ELMO2: variants seen among roughly 807,000 people sequenced by gnomAD.
ELMO2 encodes the protein engulfment and cell motility protein 2.
Under a neutral mutation model 96.2 loss-of-function variants are expected in ELMO2, and 37 were observed. The observed-to-expected ratio is 0.38, with a 90% CI of 0.30 to 0.51. The LOEUF is 0.51. Ranked by LOEUF, ELMO2 falls within the 20% of genes least tolerant of loss-of-function variation. The pLI, the probability that ELMO2 is intolerant of heterozygous loss-of-function variation, is 0.88. For missense variants in ELMO2, 561 were observed against 912.6 expected, an observed-to-expected ratio of 0.61 and a Z score of 4.96; for synonymous variants, 315 against 329.4, an observed-to-expected ratio of 0.96 and a Z score of 0.47.
chr20:46,402,856 G>C (rs1307540986), intron 1 of ELMO2, among the ~76,000 whole-genome samples: 2 of 152,248 alleles, frequency 1.3e-5, no homozygotes, highest in Non-Finnish European at 2.9e-5. Flanking sequence ...CTCAGGTCCT[G>C]ATCTACATCG....
In ELMO2 at chr20:46,375,699, C is replaced by T. The variant is rs1366465262; in HGVS notation, c.899G>A (p.Arg300Lys). Residue 300 changes from arginine to lysine, a missense_variant, in exon 12 of 22, where the codon AGG becomes AAG. Arg to Lys is a conservative substitution (Grantham distance 26, BLOSUM62 2). Coordinates refer to ENST00000290246, the MANE Select transcript of ELMO2 (RefSeq NM_133171.5). This position sits in a 1 kb window ranked among gnomAD's most constrained non-coding sequence, Gnocchi z 4.6. ...ATTGGGGTCCATCTTGGTCATCATCCTTTCTTCCAGAAGGTTAAAGGTTAG... is the reference window on the plus strand; with the variant it reads ...ATTGGGGTCCATCTTGGTCATCATCTTTTCTTCCAGAAGGTTAAAGGTTAG... ...QVLTFNLLEE[R>K]MMTKMDPNDQ... 1 of 1,614,158 alleles carries T rather than the reference C, an allele frequency of 6.2e-7. No individual in the cohort carries two copies. The highest frequency in any genetic ancestry group is 1.3e-5 in the African/African-American group (1 of 75,048).
chr20:46,374,238 G>T, intron 15 of ELMO2, 94 bp downstream of exon 15: 1 of 948,792 alleles, frequency 1.1e-6, no homozygotes, highest in South Asian at 1.4e-5. Context: ...CACCACGCCC[G>T]ACCCCACTGA....
chr20:46,388,856 C>G (rs1230022986), intron 7 of ELMO2, among the ~76,000 whole-genome samples, 183 bp downstream of exon 7: 1 of 152,140 alleles, frequency 6.6e-6, no homozygotes, highest in African/African-American at 2.4e-5. Flanking sequence ...ATAGACTACA[C>G]GATTTAGAAT....
intron 11 of ELMO2, chr20:46,376,887 A>T (rs1318890936): frequency 2.0e-5 from 23 of 1,171,350 alleles, no homozygotes; most frequent in Non-Finnish European, 2.5e-5. Context: ...GTTAAAACAA[A>T]TTTAAGTTGA....
intron 20 of ELMO2, chr20:46,370,191 T>C (rs1197035745): frequency 7.9e-6 from 5 of 630,674 alleles, no homozygotes; most frequent in African/African-American, 1.8e-5. Context: ...GATGAAACAG[T>C]GTGATACTTG....
chr20:46,394,357 C>T (rs1245418888), intron 3 of ELMO2, 48 bp downstream of exon 3: 8 of 1,596,056 alleles, frequency 5.0e-6, no homozygotes, highest in Non-Finnish European at 5.2e-6. Flanking sequence ...GCCATGCACT[C>T]CCCAGGTGCC....
chr20:46,390,297 T>C (rs970077880), intron 6 of ELMO2, among the ~76,000 whole-genome samples: 8 of 148,344 alleles, frequency 5.4e-5, no homozygotes, highest in African/African-American at 2.1e-4. Flanking sequence ...TAGAAGGGAT[T>C]CTTGCATTGG....
At chr20:46,399,087 C>G (rs1202227653) in intron 1 of ELMO2, among the ~76,000 whole-genome samples, 1 of 152,188 alleles carries the variant, frequency 6.6e-6, no homozygotes, top group Non-Finnish European at 1.5e-5. Context: ...TGTCACATAG[C>G]TAGCAAGTGG....
chr20:46,375,678 G>T lies in ELMO2; in HGVS notation c.920C>A (p.Pro307His). Residue 307 changes from proline (P) to histidine (H), a missense_variant, in exon 12 of 22, where the codon CCC (proline) becomes CAC (histidine). By Grantham distance (77) the Pro-to-His change is moderately conservative (BLOSUM62 -2). Transcript: ENST00000290246. This position sits in a 1 kb window ranked among gnomAD's most constrained non-coding sequence, Gnocchi z 4.6. ...LEERMMTKMD[P>H]NDQAQRDIIF... is the part of the protein sequence containing the mutation. ...CCACTTAGCACCTACCTGGTCATTG[G>T]GGTCCATCTTGGTCATCATCCTTTC... 6.2e-7 allele frequency: 1 copy of T among 1,614,074 alleles called. No homozygotes were observed. The highest frequency in any genetic ancestry group is 8.5e-7 in the Non-Finnish European group (1 of 1,179,966).
intron 5 of ELMO2, 150 bp downstream of exon 5, chr20:46,393,379 G>A (rs2060188526): frequency 3.1e-6 from 3 of 980,800 alleles, no homozygotes; most frequent in Non-Finnish European, 4.7e-6. Context: ...GAAGAACAAG[G>A]GCTGGTGTTT....
At position 46,375,271 on chromosome 20, in the gene ELMO2, T is replaced by C. The variant is rs773032196; in HGVS notation, c.1030A>G (p.Met344Val). The C allele has an allele frequency of 9.3e-6, 15 of 1,614,076 alleles. No homozygotes were observed. Among genetic ancestry groups the C allele is most frequent in the East Asian group, 2.2e-5 (1 of 44,900 alleles). ...AGCATTTTGTAGTCCTTTGTGTACA[T>C]GGCTTTGCGTTTTTCGGTCCCACTC... The part of the protein sequence containing the change: ...PGSGTEKRKA[M>V]YTKDYKMLGF... Residue 344 changes from methionine to valine, a missense_variant, in exon 13 of 22, where the codon ATG becomes GTG. Coordinates refer to ENST00000290246, the MANE Select transcript of ELMO2 (RefSeq NM_133171.5). The surrounding 1 kb of genome is among the most constrained non-coding windows in gnomAD (Gnocchi z 4.6).
chr20:46,386,105 T>C lies in ELMO2; in HGVS notation c.677+19A>G, dbSNP rs754907730. The stretch of plus-strand genomic sequence containing the variant: ...GGACAGACAAGTGAAGGGAGGGAGG[T>C]GTAGGGTTTTTTACTCACACCTGGA... On this transcript the variant is annotated intron_variant, in intron 9 of 21. Coordinates refer to ENST00000290246, the MANE Select transcript of ELMO2 (RefSeq NM_133171.5). 3 of 1,602,944 alleles carry C rather than the reference T, an allele frequency of 1.9e-6. No homozygotes were observed. In the South Asian group the frequency reaches 3.3e-5, roughly 18 times the overall value.
chr20:46,374,098 G>GGTTTT (rs2059795981), intron 15 of ELMO2, among the ~76,000 whole-genome samples: 1 of 63,030 alleles, frequency 1.6e-5, no homozygotes, highest in Non-Finnish European at 2.9e-5. Flanking sequence ...CTAATTTTTG[G>GGTTTT]TTTTTTTTTT....
rs1363149671 is a variant in ELMO2 at position 46,367,075 on chromosome 20, T to C, written c.*285A>G. 2 of 301,536 alleles carry C rather than the reference T, an allele frequency of 6.6e-6. No homozygotes were observed. Among genetic ancestry groups the C allele is most frequent in the Non-Finnish European group, 1.2e-5 (2 of 164,898 alleles). The allele number at this position is 301,536 out of a possible 1,614,324, so 18.7% of individuals were successfully genotyped here. ...GTTAAATCCATTTCAAGAAGCAGTTTCTTGGACTGGAAGGCAAGGGCATCT... is the reference window on the plus strand; with the variant it reads ...GTTAAATCCATTTCAAGAAGCAGTTCCTTGGACTGGAAGGCAAGGGCATCT... On this transcript the variant is annotated 3_prime_UTR_variant, in exon 22 of 22. Coordinates refer to ENST00000290246, the MANE Select transcript of ELMO2 (RefSeq NM_133171.5).
intron 1 of ELMO2, among the ~76,000 whole-genome samples, chr20:46,405,936 A>T (rs2060430769): frequency 6.6e-6 from 1 of 152,180 alleles, no homozygotes; most frequent in African/African-American, 2.4e-5. Context: ...TGCAAGGCCG[A>T]CAGGAGAAGG....
chr20:46,374,688 T>C, intron 13 of ELMO2, 48 bp from the exon 14 acceptor site: 2 of 1,534,096 alleles, frequency 1.3e-6, no homozygotes, highest in Non-Finnish European at 9.0e-7. Context: ...TCTCCGTGTA[T>C]GCAGGGACCT....
chr20:46,375,703 C>T lies in ELMO2; in HGVS notation c.895G>A (p.Glu299Lys). Residue 299 changes from glutamate to lysine, a missense_variant, in exon 12 of 22, where the codon GAA (glutamate) becomes AAA (lysine). Transcript: ENST00000290246. This position sits in a 1 kb window ranked among gnomAD's most constrained non-coding sequence, Gnocchi z 4.6. ...LQVLTFNLLE[E>K]RMMTKMDPND... is the part of the protein sequence containing the mutation. Reference sequence around the variant, plus strand: ...GGGTCCATCTTGGTCATCATCCTTTCTTCCAGAAGGTTAAAGGTTAGGACT... The same window carrying T: ...GGGTCCATCTTGGTCATCATCCTTTTTTCCAGAAGGTTAAAGGTTAGGACT... 1 of 1,614,166 alleles carries T rather than the reference C, an allele frequency of 6.2e-7. No individual in the cohort carries two copies. The highest frequency in any genetic ancestry group is 8.5e-7 in the Non-Finnish European group (1 of 1,180,000).
intron 1 of ELMO2, among the ~76,000 whole-genome samples, chr20:46,400,482 C>T (rs566964803): frequency 6.6e-6 from 1 of 152,244 alleles, no homozygotes; most frequent in Admixed American, 6.5e-5. Context: ...CCTCTTGCTC[C>T]GCCACTCAGC....
intron 1 of ELMO2, among the ~76,000 whole-genome samples, chr20:46,402,722 G>GT (rs2060356543): frequency 6.6e-6 from 1 of 152,232 alleles, no homozygotes. Flanking sequence ...TAAGGGAACT[G>GT]AAGTCCAGAG....
Sources: allele counts gnomAD v4.1 joint callset (sites outside exome capture counted in the v4.1 genomes callset), GRCh38; gene constraint gnomAD v4.1.1; non-coding constraint Gnocchi (gnomAD v3.1); transcripts MANE v1.5; gene names NCBI Gene and HGNC (gene_info 2026-07-23, HGNC 2026-07-21).